The following NAA11 variants were observed in gnomAD, a reference collection of about 807,000 sequenced individuals.
NAA11 encodes the protein N-alpha-acetyltransferase 11.
Under a neutral mutation model 16.1 loss-of-function variants are expected in NAA11, and 15 were observed. The observed-to-expected ratio is 0.93, with a 90% CI of 0.62 to 1.44. The LOEUF is 1.44. Ranked by LOEUF, NAA11 falls within the 40% of genes most tolerant of loss-of-function variation. The pLI is 0.00. For synonymous variants in NAA11, 122 were observed against 112.4 expected, an observed-to-expected ratio of 1.09 and a Z score of -0.54; for missense variants, 298 against 291.3, an observed-to-expected ratio of 1.02 and a Z score of -0.17.
At chr4:79,298,095 C>A (rs1723277494) in intron 1 of NAA11, among the ~76,000 whole-genome samples, 1 of 152,154 alleles carries the variant, frequency 6.6e-6, no homozygotes, top group Non-Finnish European at 1.5e-5. Context: ...TTGGGACTAC[C>A]TGCCTGAAGA....
chr4:79,216,009 CAT>C, the NAA11 span, among the ~76,000 whole-genome samples: 1 of 152,094 alleles, frequency 6.6e-6, no homozygotes, highest in Admixed American at 6.5e-5. Context: ...AATAAATACA[CAT>C]GTATTTCATT....
intron 2 of NAA11, among the ~76,000 whole-genome samples, chr4:79,275,841 G>A (rs555921946): frequency 1.3e-5 from 2 of 152,230 alleles, no homozygotes; most frequent in African/African-American, 2.4e-5. Flanking sequence ...AGGATATGCT[G>A]TAAGCAACAT....
chr4:79,230,337 G>C (rs1029155268), intron 2 of NAA11, among the ~76,000 whole-genome samples: 1 of 151,828 alleles, frequency 6.6e-6, no homozygotes, highest in Admixed American at 6.6e-5. Flanking sequence ...TGACGAGTTA[G>C]TGGGTGCAGC....
chr4:79,192,863 A>G, the NAA11 span, among the ~76,000 whole-genome samples: 3 of 151,504 alleles, frequency 2.0e-5, no homozygotes, highest in East Asian at 2.0e-4. Context: ...AAGTGTTCCT[A>G]TTTCTCCACA....
chr4:79,168,165 C>A, the NAA11 span, among the ~76,000 whole-genome samples: 1 of 152,110 alleles, frequency 6.6e-6, no homozygotes, highest in Admixed American at 6.5e-5. Context: ...ATGACAGTTT[C>A]CAGTTTCATC....
intron 2 of NAA11, among the ~76,000 whole-genome samples, chr4:79,290,457 G>GCT (rs1045456580): frequency 5.3e-5 from 8 of 152,038 alleles, no homozygotes; most frequent in East Asian, 1.9e-4. Flanking sequence ...CTCTCCCTCT[G>GCT]CTCTCTCTCT....
intron 2 of NAA11, among the ~76,000 whole-genome samples, chr4:79,232,280 A>G (rs550467172): frequency 7.7e-4 from 117 of 152,036 alleles, no homozygotes; most frequent in African/African-American, 2.7e-3. Flanking sequence ...TTTTTTTTAA[A>G]TCATCAAAAT....
intron 2 of NAA11, among the ~76,000 whole-genome samples, chr4:79,263,298 G>T (rs1435891426): frequency 6.6e-6 from 1 of 152,156 alleles, no homozygotes; most frequent in Non-Finnish European, 1.5e-5. Context: ...ATGTGTGGAA[G>T]GATGAGTGTG....
Position 79,325,977 on chromosome 4 carries a change from G to A in NAA11, c.-100C>T. 5.0e-6 allele frequency: 5 copies of A among 1,004,046 alleles called. No homozygotes were observed. The highest frequency in any genetic ancestry group is 1.5e-6 in the Non-Finnish European group (1 of 681,934). The allele number at this position is 1,004,046 out of a possible 1,614,324, so 62.2% of individuals were successfully genotyped here. On this transcript the variant is annotated 5_prime_UTR_variant, in exon 1 of 2. Transcript: ENST00000286794. ...TTTGCCTCAGGAATCGAGTCCAGGG[G>A]GCTAACACCACCGGGCTGAATCGTG...
chr4:79,190,112 C>T, the NAA11 span, among the ~76,000 whole-genome samples: 1 of 152,152 alleles, frequency 6.6e-6, no homozygotes, highest in Non-Finnish European at 1.5e-5. Context: ...GCACTTCAAA[C>T]ATCATTTGTC....
chr4:79,239,086 G>C, intron 2 of NAA11, among the ~76,000 whole-genome samples: 1 of 152,186 alleles, frequency 6.6e-6, no homozygotes, highest in East Asian at 1.9e-4. Context: ...TAAATATTAA[G>C]TGAAAGGTGA....
chr4:79,200,636 C>T, the NAA11 span, among the ~76,000 whole-genome samples: 1 of 151,660 alleles, frequency 6.6e-6, no homozygotes, highest in African/African-American at 2.4e-5. Flanking sequence ...AAAGGTTTAA[C>T]GTGGGAAATT....
chr4:79,227,176 C>T (rs1375807381), intron 2 of NAA11: 1 of 151,970 alleles, frequency 6.6e-6, no homozygotes, highest in African/African-American at 2.4e-5. Context: ...TCTCTGATGG[C>T]CAGTGATGAC....
chr4:79,169,927 C>T, the NAA11 span, among the ~76,000 whole-genome samples: 718 of 152,316 alleles, frequency 4.7e-3, 12 homozygotes, highest in East Asian at 0.042. Context: ...GTGAACAAGT[C>T]GTTTATAGCA....
rs112861396 is a variant in NAA11, at chr4:79,279,950, C to G, written c.*122+14055G>C. 6.6e-4 allele frequency among the ~76,000 whole-genome samples: 101 copies of G among 152,122 alleles called. 2 individuals are homozygous for G. Among genetic ancestry groups the G allele is most frequent in the African/African-American group, 2.4e-3 (99 of 41,522 alleles). On this transcript the variant is annotated intron_variant and NMD_transcript_variant, in intron 2 of 2. Transcript: ENST00000511542. ...AAAAGATCTGTTCAGGGAGATGTGT[C>G]TATTTCCCCTCAGATAACCAGTATG...
intron 2 of NAA11, among the ~76,000 whole-genome samples, chr4:79,290,178 A>C (rs1349472752): frequency 6.6e-6 from 1 of 152,170 alleles, no homozygotes; most frequent in Non-Finnish European, 1.5e-5. Flanking sequence ...TTTATGTCCA[A>C]AATTGAACCA....
chr4:79,314,110 A>G (rs759893698), downstream of NAA11, among the ~76,000 whole-genome samples: 10 of 152,220 alleles, frequency 6.6e-5, no homozygotes, highest in Non-Finnish European at 1.2e-4. Context: ...ATGATCTCAC[A>G]TTTATGTAAA....
chr4:79,221,747 C>T (rs1721192094), downstream of NAA11, among the ~76,000 whole-genome samples: 1 of 132,738 alleles, frequency 7.5e-6, no homozygotes, highest in Non-Finnish European at 1.7e-5. Context: ...AGTGGATAAG[C>T]TTTTTGATGT....
chr4:79,260,822 T>C (rs1722231468), intron 2 of NAA11, among the ~76,000 whole-genome samples: 1 of 152,236 alleles, frequency 6.6e-6, no homozygotes, highest in South Asian at 2.1e-4. Flanking sequence ...TTTACTTGGC[T>C]AGAAACATTG....
Sources: gnomAD v4.1 joint callset for allele counts (sites outside exome capture counted in the v4.1 genomes callset) on GRCh38, gnomAD v4.1.1 for gene constraint, MANE v1.5 for transcripts, NCBI Gene and HGNC (gene_info 2026-07-23, HGNC 2026-07-21) for gene names.